Variants in EDIL3 observed in about 807,000 individuals in gnomAD.
The protein encoded by EDIL3 is EGF-like repeat and discoidin I-like domain-containing protein 3.
A neutral mutation model predicts 67.4 loss-of-function variants in EDIL3; 37 were observed. The observed-to-expected ratio is 0.55, with a 90% CI of 0.42 to 0.72. EDIL3 has a LOEUF of 0.72. EDIL3 is among the 30% of genes least tolerant of loss of function. EDIL3 has a pLI of 0.00. For missense variants in EDIL3, 527 were observed against 586.3 expected (o/e 0.90, Z 1.04); for synonymous variants, 195 against 196.3 (o/e 0.99, Z 0.05).
At chr5:84,109,467 C>T (rs895667284) in intron 5 of EDIL3, among the ~76,000 whole-genome samples, 39 of 152,132 alleles carry the variant, frequency 2.6e-4, no homozygotes, top group Non-Finnish European at 7.4e-5. Flanking sequence ...GATCACACCA[C>T]TGCACTCCAG....
intron 5 of EDIL3, among the ~76,000 whole-genome samples, chr5:84,131,436 TTTTTAATATG>T (rs961609941): frequency 3.3e-5 from 5 of 152,300 alleles, no homozygotes; most frequent in African/African-American, 7.2e-5. Context: ...AGTGTAAGTG[TTTTTAATATG>T]TAGAGTATAA....
intron 9 of EDIL3, among the ~76,000 whole-genome samples, chr5:84,013,369 G>C (rs553127742): frequency 9.9e-5 from 15 of 152,182 alleles, no homozygotes; most frequent in Middle Eastern, 3.4e-3. Flanking sequence ...TTGTAGTTTA[G>C]AGCAAGAGTG....
At chr5:84,151,862 C>G (rs1382109878) in intron 4 of EDIL3, among the ~76,000 whole-genome samples, 2 of 151,344 alleles carry the variant, frequency 1.3e-5, no homozygotes, top group African/African-American at 4.9e-5. Context: ...AATTTTCATA[C>G]AGGAACTATG....
rs1170441471 is a variant in EDIL3, at chr5:84,384,685, C to T, written c.-311G>A. 5.6e-6 allele frequency: 1 copy of T among 179,254 alleles called. No individual in the cohort carries two copies. The highest frequency in any genetic ancestry group is 2.4e-5 in the African/African-American group (1 of 42,260). The allele number at this position is 179,254 out of a possible 1,614,324, so 11.1% of individuals were successfully genotyped here. Reference sequence around the variant, plus strand: ...AGAGGCGCGGCGGGCGGGGCGCGGGCTCCCGCGGCCGCCCCGGGTCTGCTG... The same window carrying T: ...AGAGGCGCGGCGGGCGGGGCGCGGGTTCCCGCGGCCGCCCCGGGTCTGCTG... On this transcript the variant is annotated 5_prime_UTR_variant, in exon 1 of 11. Transcript: ENST00000296591.
At chr5:84,132,744 T>G (rs1312345628) in intron 5 of EDIL3, among the ~76,000 whole-genome samples, 1 of 149,968 alleles carries the variant, frequency 6.7e-6, no homozygotes, top group Non-Finnish European at 1.5e-5. Context: ...TCAAAATATA[T>G]TCATAGGTAT....
chr5:84,270,569 T>C (rs1745450577), intron 1 of EDIL3, among the ~76,000 whole-genome samples: 1 of 152,208 alleles, frequency 6.6e-6, no homozygotes, highest in South Asian at 2.1e-4. Context: ...TTAATATGTA[T>C]ACTGAGAGGG....
chr5:84,076,326 T>C (rs567107042), intron 6 of EDIL3, among the ~76,000 whole-genome samples: 2 of 152,336 alleles, frequency 1.3e-5, no homozygotes, highest in Admixed American at 6.5e-5. Context: ...TATTCTTTGA[T>C]ACCATACCAA....
intron 1 of EDIL3, among the ~76,000 whole-genome samples, chr5:84,261,943 TC>T (rs1319705556): frequency 6.6e-6 from 1 of 152,210 alleles, no homozygotes; most frequent in Admixed American, 6.5e-5. Context: ...AATCTGCTGT[TC>T]AGTGTTGACT....
At position 83,940,969 on chromosome 5, in the gene EDIL3, T is replaced by A. The variant is rs937585420; in HGVS notation, c.*2450A>T. On this transcript the variant is annotated 3_prime_UTR_variant, in exon 11 of 11. Coordinates refer to ENST00000296591, the MANE Select transcript of EDIL3 (RefSeq NM_005711.5). Reference sequence around the variant, plus strand: ...GGAGATGTTTAAAAGTTTAGTTTCATTAATTGTAAAATTAGCATGTTATAT... The same window carrying A: ...GGAGATGTTTAAAAGTTTAGTTTCAATAATTGTAAAATTAGCATGTTATAT... 2 of 152,044 alleles carry A rather than the reference T, an allele frequency of 1.3e-5. No individual in the cohort carries two copies. The highest frequency in any genetic ancestry group is 4.8e-5 in the African/African-American group (2 of 41,450). The allele number at this position is 152,044 out of a possible 1,614,324, so 9.4% of individuals were successfully genotyped here. A position where few individuals can be genotyped will look rare whatever the true frequency, so the allele number is the denominator to read the frequency against.
intron 3 of EDIL3, among the ~76,000 whole-genome samples, chr5:84,194,935 A>G (rs569155518): frequency 6.6e-6 from 1 of 152,106 alleles, no homozygotes; most frequent in East Asian, 1.9e-4. Context: ...ATTACACTTT[A>G]ATATCACTGT....
chr5:84,302,023 C>T (rs1162124046), intron 1 of EDIL3, among the ~76,000 whole-genome samples: 2 of 151,816 alleles, frequency 1.3e-5, no homozygotes, highest in Non-Finnish European at 1.5e-5. Context: ...TGTTAAAAAC[C>T]GATAAAAATA....
intron 3 of EDIL3, among the ~76,000 whole-genome samples, chr5:84,190,032 G>A (rs1743544970): frequency 6.6e-6 from 1 of 151,900 alleles, no homozygotes; most frequent in South Asian, 2.1e-4. Flanking sequence ...ATAAGGCCTA[G>A]GTGCACCTTG....
chr5:84,202,328 A>G (rs1418798086), intron 3 of EDIL3, among the ~76,000 whole-genome samples: 1 of 152,132 alleles, frequency 6.6e-6, no homozygotes, highest in Non-Finnish European at 1.5e-5. Flanking sequence ...TACTCCAAGA[A>G]CTTCTGGATG....
At chr5:84,163,524 A>G (rs141692515) in intron 4 of EDIL3, among the ~76,000 whole-genome samples, 4 of 152,232 alleles carry the variant, frequency 2.6e-5, no homozygotes, top group African/African-American at 7.2e-5. Context: ...GCAAAAATAC[A>G]CTAAATATCT....
intron 5 of EDIL3, among the ~76,000 whole-genome samples, chr5:84,114,179 G>C (rs999875339): frequency 1.5e-5 from 2 of 136,608 alleles, no homozygotes; most frequent in African/African-American, 5.6e-5. Flanking sequence ...TTGATGAGTC[G>C]TGTCAGCTAA....
At chr5:84,142,867 C>T (rs1168258109) in intron 4 of EDIL3, among the ~76,000 whole-genome samples, 1 of 140,276 alleles carries the variant, frequency 7.1e-6, no homozygotes, top group Non-Finnish European at 1.6e-5. Context: ...AATTTCTCAA[C>T]TTCTTTATGT....
chr5:84,007,507 A>C (rs999123428), intron 9 of EDIL3, among the ~76,000 whole-genome samples: 2 of 152,198 alleles, frequency 1.3e-5, no homozygotes, highest in African/African-American at 4.8e-5. Flanking sequence ...AATGGCAAAC[A>C]GGTATATAAA....
In EDIL3 at chr5:84,056,901, C is replaced by T. The variant is rs185826179; in HGVS notation, c.1137+3399G>A. ...TATAAACAACTGAAAAAGAAAATCA[C>T]CCCATACATTGTTATCTATGAAAAT... On this transcript the variant is annotated intron_variant, in intron 9 of 10. Transcript: ENST00000296591. Among the ~76,000 whole-genome samples, 25 of 152,092 alleles carry T rather than the reference C, an allele frequency of 1.6e-4. No homozygotes were observed. In the East Asian group the frequency reaches 3.7e-3, roughly 22 times the overall value.
intron 2 of EDIL3, among the ~76,000 whole-genome samples, chr5:84,230,763 ATGTGTGTGTG>A (rs59552122): frequency 1.5e-5 from 2 of 137,130 alleles, no homozygotes; most frequent in African/African-American, 5.5e-5. Flanking sequence ...CCACTACGTG[ATGTGTGTGTG>A]TGTGTGTGTG....
Sources: allele counts gnomAD v4.1 joint callset (sites outside exome capture counted in the v4.1 genomes callset), GRCh38; gene constraint gnomAD v4.1.1; transcripts MANE v1.5; gene names NCBI Gene and HGNC (gene_info 2026-07-23, HGNC 2026-07-21).